The following CACNA1C variants were observed in gnomAD, a reference collection of about 807,000 sequenced individuals.
The protein encoded by CACNA1C is voltage-dependent L-type calcium channel subunit alpha-1C.
CACNA1C carries 30 observed loss-of-function variants against 229.0 expected under a neutral mutation model. The ratio of observed to expected loss-of-function variants is 0.13; its 90% confidence interval spans 0.10 to 0.18. The LOEUF (loss-of-function observed/expected upper bound fraction) is 0.18, where lower values mean the gene tolerates loss of function less well. Ranked by LOEUF, CACNA1C falls within the 10% of genes least tolerant of loss-of-function variation. CACNA1C has a pLI of 1.00. For missense variants in CACNA1C, 1,658 were observed against 2,845.0 expected (o/e 0.58, Z 9.49); for synonymous variants, 1,114 against 1,132.5 (o/e 0.98, Z 0.33).
chr12:2,306,318 C>T (rs527291533), intron 3 of CACNA1C, among the ~76,000 whole-genome samples: 2 of 152,352 alleles, frequency 1.3e-5, no homozygotes, highest in Non-Finnish European at 1.5e-5. Context: ...TGCCGTCTGA[C>T]ACCTTCCACC....
intron 13 of CACNA1C, among the ~76,000 whole-genome samples, chr12:2,579,711 G>A (rs1027783697): frequency 2.6e-5 from 4 of 152,072 alleles, no homozygotes; most frequent in African/African-American, 4.8e-5. Flanking sequence ...CTCCCCAGTA[G>A]GTGGGACTAC....
intron 3 of CACNA1C, among the ~76,000 whole-genome samples, chr12:2,247,091 A>G (rs1469446482): frequency 1.3e-5 from 2 of 152,166 alleles, no homozygotes; most frequent in Non-Finnish European, 2.9e-5. Context: ...ACTCCTGCAA[A>G]TCTGTAGCTT....
chr12:2,254,652 G>A lies in CACNA1C; in HGVS notation c.477+134222G>A, dbSNP rs567942834. ...CCCTTTGCTGTTAACACCTGCCCGTGGGATAAGGGAAAAGAAAAAAGCCAC... is the reference window on the plus strand; with the variant it reads ...CCCTTTGCTGTTAACACCTGCCCGTAGGATAAGGGAAAAGAAAAAAGCCAC... On this transcript the variant is annotated intron_variant, in intron 3 of 46. Transcript: ENST00000399655. Among the ~76,000 whole-genome samples the A allele has an allele frequency of 6.6e-4, 100 of 152,202 alleles. 1 individual carries two copies. Among genetic ancestry groups the A allele is most frequent in the African/African-American group, 2.4e-3 (99 of 41,512 alleles).
chr12:2,352,788 C>G (rs2097244352), intron 3 of CACNA1C, among the ~76,000 whole-genome samples: 1 of 152,160 alleles, frequency 6.6e-6, no homozygotes, highest in South Asian at 2.1e-4. Flanking sequence ...GAGTTCAGGA[C>G]TAACCCTGAC....
At chr12:2,565,435 CCGCAG>C (rs1568455109) in intron 11 of CACNA1C, among the ~76,000 whole-genome samples, 20 of 147,662 alleles carry the variant, frequency 1.4e-4, no homozygotes, top group Middle Eastern at 3.5e-3. Flanking sequence ...CCACTGCAGT[CCGCAG>C]TCCGGCCTGG....
At chr12:2,238,540 TCTGA>T (rs1430998505) in intron 3 of CACNA1C, among the ~76,000 whole-genome samples, 2 of 152,190 alleles carry the variant, frequency 1.3e-5, no homozygotes, top group Non-Finnish European at 1.5e-5. Flanking sequence ...AGTCTGTCAG[TCTGA>T]CTTTCTTGTG....
At chr12:1,982,081 G>C (rs1185812649) in intron 1 of CACNA1C, among the ~76,000 whole-genome samples, 1 of 152,112 alleles carries the variant, frequency 6.6e-6, no homozygotes, top group Non-Finnish European at 1.5e-5. Flanking sequence ...AATTAATTAG[G>C]CTTGTGCTAC....
chr12:2,467,502 G>A lies in CACNA1C; in HGVS notation c.757+9796G>A, dbSNP rs1382154589. ...CTCCCCAGAAGGGAGGAAGCCCCAG[G>A]ACCCGCTCCCCGCCTTCCCACCCAG... On this transcript the variant is annotated intron_variant, in intron 5 of 46. Transcript: ENST00000399655. The surrounding 1 kb of genome is among the most constrained non-coding windows in gnomAD (Gnocchi z 4.6). Among the ~76,000 whole-genome samples the A allele has an allele frequency of 2.0e-5, 3 of 152,124 alleles. No individual in the cohort carries two copies. The East Asian group carries it at 5.8e-4, about 29-fold the overall frequency.
intron 38 of CACNA1C, among the ~76,000 whole-genome samples, chr12:2,672,912 CTG>C (rs1488419971): frequency 1.3e-5 from 2 of 152,216 alleles, no homozygotes; most frequent in African/African-American, 4.8e-5. Context: ...GACTGATCAT[CTG>C]TGCAGCTGGA....
intron 3 of CACNA1C, chr12:2,222,116 A>T (rs1366819180): frequency 6.6e-6 from 1 of 152,194 alleles, no homozygotes; most frequent in Non-Finnish European, 1.5e-5. Context: ...TCTATTTATG[A>T]TTCTTCTAAA....
At chr12:2,163,160 G>A (rs1487387014) in intron 3 of CACNA1C, among the ~76,000 whole-genome samples, 3 of 141,834 alleles carry the variant, frequency 2.1e-5, no homozygotes, top group East Asian at 4.2e-4. Context: ...CCGAGATCAC[G>A]CCATTGCACT....
At chr12:2,144,348 C>T (rs2094526108) in intron 3 of CACNA1C, among the ~76,000 whole-genome samples, 1 of 151,136 alleles carries the variant, frequency 6.6e-6, no homozygotes, top group Non-Finnish European at 1.5e-5. Flanking sequence ...GAAGAGACAC[C>T]ATTCCATGTG....
chr12:2,535,395 A>C (rs1350904183), intron 9 of CACNA1C, among the ~76,000 whole-genome samples: 1 of 147,656 alleles, frequency 6.8e-6, no homozygotes. Context: ...TCTCAAAAAA[A>C]GAAAAAGAAA....
rs1427980852 is a variant in CACNA1C, at chr12:2,677,968, A to G, written c.5091+101A>G. ...GGGAACGTCCAGGGGAAGGAGCTGC[A>G]CCAGAGGAAAGGGCTACTTCCAGGC... On this transcript the variant is annotated intron_variant, in intron 41 of 46. Coordinates refer to ENST00000399655, the MANE Select transcript of CACNA1C (RefSeq NM_000719.7). The surrounding 1 kb of genome is among the most constrained non-coding windows in gnomAD (Gnocchi z 7.4). 8.7e-6 allele frequency: 12 copies of G among 1,385,492 alleles called. No homozygotes were observed. Among genetic ancestry groups the G allele is most frequent in the Non-Finnish European group, 1.2e-5 (12 of 993,422 alleles). The allele number at this position is 1,385,492 out of a possible 1,614,324, so 85.8% of individuals were successfully genotyped here. A position where few individuals can be genotyped will look rare whatever the true frequency, so the allele number is the denominator to read the frequency against.
chr12:2,634,645 C>T (rs1303668679), intron 30 of CACNA1C, among the ~76,000 whole-genome samples: 2 of 151,642 alleles, frequency 1.3e-5, no homozygotes, highest in African/African-American at 4.9e-5. Context: ...CCCATACAAT[C>T]AGCCTGGCAT....
At chr12:2,041,364 C>T (rs2154494545) in intron 1 of CACNA1C, among the ~76,000 whole-genome samples, 1 of 148,068 alleles carries the variant, frequency 6.8e-6, no homozygotes, top group Middle Eastern at 3.7e-3. Context: ...GCAAGCTCTG[C>T]CTCCCAGGTT....
Position 2,512,740 on chromosome 12 carries a change from A to C in CACNA1C, c.1218-72A>C. ...TCTCCTTATCTCCATCTCTCCTTCC[A>C]TCCTCGACCCTTCTCGGTGCTCCCT... is the stretch of plus-strand genomic sequence containing the variant. On this transcript the variant is annotated intron_variant, in intron 8 of 46. Transcript: ENST00000399655. This position sits in a 1 kb window ranked among gnomAD's most constrained non-coding sequence, Gnocchi z 4.3. 1.7e-6 allele frequency: 2 copies of C among 1,186,844 alleles called. No homozygotes were observed. The highest frequency in any genetic ancestry group is 3.3e-5 in the South Asian group (2 of 60,470). 73.5% of individuals were successfully genotyped at this position (1,186,844 alleles called of 1,614,324 possible).
chr12:2,623,778 C>T (rs894262176), intron 29 of CACNA1C, among the ~76,000 whole-genome samples: 1 of 152,172 alleles, frequency 6.6e-6, no homozygotes, highest in Non-Finnish European at 1.5e-5. Flanking sequence ...GGGTGCCCCT[C>T]CTCGCAAAAG....
At chr12:2,059,279 G>T (rs182489942) in intron 1 of CACNA1C, among the ~76,000 whole-genome samples, 13 of 152,186 alleles carry the variant, frequency 8.5e-5, no homozygotes, top group Admixed American at 3.9e-4. Flanking sequence ...GTGTCTGGGA[G>T]GGTTTGGGGA....
Sources: allele counts gnomAD v4.1 joint callset (sites outside exome capture counted in the v4.1 genomes callset), GRCh38; gene constraint gnomAD v4.1.1; non-coding constraint Gnocchi (gnomAD v3.1); transcripts MANE v1.5; gene names NCBI Gene and HGNC (gene_info 2026-07-23, HGNC 2026-07-21).